Variants in SMG6 observed in about 807,000 individuals in gnomAD.
The protein encoded by SMG6 is telomerase-binding protein EST1A.
In SMG6, 66 loss-of-function variants were observed where a neutral mutation model predicts 142.2. The ratio of observed to expected loss-of-function variants is 0.46; its 90% CI spans 0.38 to 0.57. SMG6 has a LOEUF of 0.57. Ranked by LOEUF, SMG6 falls within the 20% of genes least tolerant of loss-of-function variation. The probability of loss-of-function intolerance (pLI) is 0.00; values close to 1 mark genes in which losing one functional copy is unlikely to be tolerated. For synonymous variants in SMG6, 779 were observed against 702.4 expected (o/e 1.11, Z -1.72); for missense variants, 1,793 against 1,832.0 (o/e 0.98, Z 0.39).
chr17:2,157,429 A>G (rs929429700), intron 13 of SMG6, among the ~76,000 whole-genome samples: 1 of 152,228 alleles, frequency 6.6e-6, no homozygotes, highest in Non-Finnish European at 1.5e-5. Context: ...TTTCTGGCAC[A>G]CTGACCCAAC....
At chr17:2,091,931 C>G (rs573417205) in intron 13 of SMG6, among the ~76,000 whole-genome samples, 1 of 151,782 alleles carries the variant, frequency 6.6e-6, no homozygotes, top group South Asian at 2.1e-4. Context: ...ATCCGCCCGC[C>G]TTGGCCAACC....
chr17:2,087,067 G>T, intron 13 of SMG6: 2 of 1,290,480 alleles, frequency 1.5e-6, no homozygotes. Context: ...ACATAGGGAA[G>T]TACTAACCTG....
intron 13 of SMG6, among the ~76,000 whole-genome samples, chr17:2,152,072 G>T (rs2070843897): frequency 6.6e-6 from 1 of 152,222 alleles, no homozygotes. Flanking sequence ...GACCTCTCGG[G>T]TATTCTGTTG....
intron 13 of SMG6, among the ~76,000 whole-genome samples, chr17:2,148,553 A>T (rs2070736301): frequency 6.6e-6 from 1 of 152,240 alleles, no homozygotes; most frequent in African/African-American, 2.4e-5. Context: ...TGAGGTTCAC[A>T]GAGTAGTCAA....
chr17:2,263,022 A>T (rs1322589124), intron 8 of SMG6, among the ~76,000 whole-genome samples: 1 of 152,228 alleles, frequency 6.6e-6, no homozygotes, highest in Non-Finnish European at 1.5e-5. Context: ...CTGTAAGATA[A>T]AATAGATAAA....
In SMG6 at chr17:2,299,352, T is replaced by C. The variant is rs761971431; in HGVS notation, c.1401A>G (p.Leu467=). The C allele has an allele frequency of 1.5e-5, 24 of 1,613,904 alleles. No homozygotes were observed. Among genetic ancestry groups the C allele is most frequent in the Admixed American group, 6.7e-5 (4 of 59,998 alleles). ...AATGTAGCTGGGGCGTCTGAGTCTT[T>C]AGAGCAGGTTTCTGATCAGGATTGT... ...DPNNPDQKPA[L]KTQTPQLHFL... is the part of the protein sequence containing the mutation. The change falls in exon 2 of 19, where the codon CTA becomes CTG. Residue 467 remains leucine, a synonymous_variant. Coordinates refer to ENST00000263073, the MANE Select transcript of SMG6 (RefSeq NM_017575.5). This position sits in a 1 kb window ranked among gnomAD's most constrained non-coding sequence, Gnocchi z 4.3.
chr17:2,098,076 C>A (rs995906738), intron 13 of SMG6, among the ~76,000 whole-genome samples: 7 of 152,122 alleles, frequency 4.6e-5, no homozygotes, highest in African/African-American at 1.7e-4. Flanking sequence ...GCAGCCTTGA[C>A]TTCTCAGACT....
intron 10 of SMG6, among the ~76,000 whole-genome samples, chr17:2,221,280 T>C (rs923275596): frequency 2.6e-5 from 4 of 152,184 alleles, no homozygotes; most frequent in African/African-American, 9.7e-5. Context: ...AGCACCATCC[T>C]CCTGGTGCTA....
chr17:2,300,129 T>A lies in SMG6; in HGVS notation c.624A>T (p.Arg208Ser). The A allele has an allele frequency of 6.2e-7, 1 of 1,614,058 alleles. No individual in the cohort carries two copies. The highest frequency in any genetic ancestry group is 1.6e-4 in the Middle Eastern group (1 of 6,062). The change falls in exon 2 of 19, where the codon AGA (arginine) becomes AGT (serine). Residue 208 changes from arginine to serine, a missense_variant. This residue lies in a region of SMG6 where 1,597 missense variants were observed against 1,584.6 expected (regional missense o/e 1.01). Transcript: ENST00000263073. Reference protein sequence around the residue: ...AEIEKSPGGGRVGAAKGEKGK... With the variant: ...AEIEKSPGGGSVGAAKGEKGK... ...CTTTTTCTCCTTTTGCAGCCCCTAC[T>A]CTCCCACCACCTGGGCTCTTTTCTA...
At chr17:2,276,846 A>G (rs2074660391) in intron 8 of SMG6, among the ~76,000 whole-genome samples, 1 of 151,852 alleles carries the variant, frequency 6.6e-6, no homozygotes, top group Non-Finnish European at 1.5e-5. Context: ...CAATGGCACA[A>G]TCTCGGCTCA....
At chr17:2,254,482 G>A (rs1400252015) in intron 8 of SMG6, among the ~76,000 whole-genome samples, 1 of 152,100 alleles carries the variant, frequency 6.6e-6, no homozygotes, top group African/African-American at 2.4e-5. Context: ...CTAGAAGCAC[G>A]TGCCACCAAG....
chr17:2,105,924 G>GAGTAA (rs1784961676), intron 13 of SMG6, among the ~76,000 whole-genome samples: 1 of 152,220 alleles, frequency 6.6e-6, no homozygotes, highest in Non-Finnish European at 1.5e-5. Flanking sequence ...TGAATGTAAA[G>GAGTAA]AGTAAAGTCC....
intron 8 of SMG6, among the ~76,000 whole-genome samples, chr17:2,262,457 A>T (rs923803906): frequency 5.9e-5 from 9 of 152,246 alleles, no homozygotes; most frequent in African/African-American, 2.2e-4. Context: ...CCATGGCCCA[A>T]GACATTATAA....
intron 18 of SMG6, chr17:2,063,370 T>C (rs2067841170): frequency 6.6e-6 from 1 of 152,386 alleles, no homozygotes; most frequent in South Asian, 2.1e-4. Flanking sequence ...TCTCTGTGAA[T>C]CTGACAAGTT....
chr17:2,300,660 G>A lies in SMG6; in HGVS notation c.93C>T (p.Asn31=). The change falls in exon 2 of 19, where the codon AAC becomes AAT. Residue 31 remains asparagine (N), a synonymous_variant. Coordinates refer to ENST00000263073, the MANE Select transcript of SMG6 (RefSeq NM_017575.5). ...GCCTGGCCTCCTTTAATTCCTTCAT[G>A]TTTTCTGTTATGTCGGGGAAAGAGT... ...TLAPQAGSRE[N]MKELKEARPR... 6.3e-7 allele frequency: 1 copy of A among 1,575,328 alleles called. No individual in the cohort carries two copies. The highest frequency in any genetic ancestry group is 8.6e-7 in the Non-Finnish European group (1 of 1,164,508).
intron 15 of SMG6, among the ~76,000 whole-genome samples, chr17:2,076,956 A>C (rs981895900): frequency 9.2e-5 from 14 of 152,246 alleles, no homozygotes; most frequent in Admixed American, 5.9e-4. Flanking sequence ...CGGGAAGTCA[A>C]GCGTTGGAGG....
chr17:2,187,880 C>G (rs182482796), intron 11 of SMG6, among the ~76,000 whole-genome samples: 14 of 152,188 alleles, frequency 9.2e-5, no homozygotes, highest in African/African-American at 3.4e-4. Flanking sequence ...GCCCTACCTT[C>G]TACTGCTACA....
At chr17:2,139,482 C>A (rs906862866) in intron 13 of SMG6, among the ~76,000 whole-genome samples, 1 of 137,300 alleles carries the variant, frequency 7.3e-6, no homozygotes, top group Non-Finnish European at 1.5e-5. Context: ...AGTGCAGTGG[C>A]GCGATCTCAG....
chr17:2,257,342 T>C (rs944756194), intron 8 of SMG6, among the ~76,000 whole-genome samples: 1 of 152,064 alleles, frequency 6.6e-6, no homozygotes, highest in African/African-American at 2.4e-5. Flanking sequence ...CCTCCCAAAG[T>C]GTTGGGATTA....
Sources: gnomAD v4.1 joint callset for allele counts (sites outside exome capture counted in the v4.1 genomes callset) on GRCh38, gnomAD v4.1.1 for gene constraint, gnomAD v4.1.1 regional missense constraint, Gnocchi (gnomAD v3.1) non-coding constraint, MANE v1.5 for transcripts, NCBI Gene and HGNC (gene_info 2026-07-23, HGNC 2026-07-21) for gene names.